The following KIAA1755 variants were observed in gnomAD, a reference collection of about 807,000 sequenced individuals.
KIAA1755 encodes uncharacterized protein KIAA1755.
Under a neutral mutation model 91.7 loss-of-function variants are expected in KIAA1755, and 68 were observed. The ratio of observed to expected loss-of-function variants is 0.74; its 90% confidence interval spans 0.61 to 0.91. The LOEUF (loss-of-function observed/expected upper bound fraction) is 0.91. KIAA1755 is among the 40% of genes least tolerant of loss of function. The pLI, the probability that KIAA1755 is intolerant of heterozygous loss-of-function variation, is 0.00. For synonymous variants in KIAA1755, 610 were observed against 604.6 expected, an observed-to-expected ratio of 1.01 and a Z score of -0.13; for missense variants, 1,535 against 1,494.4, an observed-to-expected ratio of 1.03 and a Z score of -0.45.
chr20:38,213,840 C>G, intron 13 of KIAA1755, 97 bp from the exon 14 acceptor site: 1 of 867,336 alleles, frequency 1.2e-6, no homozygotes, highest in Admixed American at 3.0e-5. Flanking sequence ...CCCCGCTCAG[C>G]TTGGCCATGA....
At chr20:38,238,629 A>G (rs2076000097) in intron 4 of KIAA1755, among the ~76,000 whole-genome samples, 1 of 152,150 alleles carries the variant, frequency 6.6e-6, no homozygotes, top group Non-Finnish European at 1.5e-5. Flanking sequence ...CACTTTGTTT[A>G]CACTGGGTTT....
Position 38,260,649 on chromosome 20 carries a change from T to C in KIAA1755, c.-149A>G. Reference sequence around the variant, plus strand: ...CAGGCCCGGGGCACCGACCCCGGCGTCATCTCGGAGGAGCGGCCGGGGAGG... The same window carrying C: ...CAGGCCCGGGGCACCGACCCCGGCGCCATCTCGGAGGAGCGGCCGGGGAGG... On this transcript the variant is annotated 5_prime_UTR_variant, in exon 1 of 14. An upstream open reading frame in the 5' UTR loses its in-frame stop. Transcript: ENST00000279024. 1.1e-6 allele frequency: 1 copy of C among 941,820 alleles called. No homozygotes were observed. The highest frequency in any genetic ancestry group is 1.4e-6 in the Non-Finnish European group (1 of 696,618). 58.3% of individuals were successfully genotyped at this position (941,820 alleles called of 1,614,324 possible).
chr20:38,216,726 A>G (rs531924433), intron 13 of KIAA1755: 45 of 432,074 alleles, frequency 1.0e-4, no homozygotes, highest in South Asian at 7.5e-4. Flanking sequence ...TGGGAACAAC[A>G]TTGGTTCCCT....
Position 38,217,492 on chromosome 20 carries a change from G to A in KIAA1755, c.2680-18C>T. 6.4e-7 allele frequency: 1 copy of A among 1,570,704 alleles called. No homozygotes were observed. The highest frequency in any genetic ancestry group is 8.7e-7 in the Non-Finnish European group (1 of 1,155,014). On this transcript the variant is annotated intron_variant, in intron 12 of 13. Transcript: ENST00000279024. ...TACTGGGCCTGAGAGGGGAGAGGAGGGGGCGCCCACTCAGCACCCACCTTG... is the reference window on the plus strand; with the variant it reads ...TACTGGGCCTGAGAGGGGAGAGGAGAGGGCGCCCACTCAGCACCCACCTTG...
chr20:38,233,501 C>G (rs2075905363), intron 4 of KIAA1755: 1 of 152,104 alleles, frequency 6.6e-6, no homozygotes, highest in African/African-American at 2.4e-5. Context: ...ACATCACATA[C>G]CTGGGTCCAT....
Position 38,210,948 on chromosome 20 carries a change from C to T in KIAA1755, c.*2094G>A, listed in dbSNP as rs1037479089. 1.3e-5 allele frequency: 2 copies of T among 152,294 alleles called. No individual in the cohort carries two copies. The highest frequency in any genetic ancestry group is 2.9e-5 in the Non-Finnish European group (2 of 68,106). 9.4% of individuals were successfully genotyped at this position (152,294 alleles called of 1,614,324 possible). A position where few individuals can be genotyped will look rare whatever the true frequency, so the allele number is the denominator to read the frequency against. On this transcript the variant is annotated 3_prime_UTR_variant, in exon 14 of 14. Coordinates refer to ENST00000279024, the MANE Select transcript of KIAA1755 (RefSeq NM_001029864.2). Reference sequence around the variant, plus strand: ...AGGGGAATGCAAGAATCAAACCTGGCTTTGGGTGGAGGACTCAGGCCCCAG... The same window carrying T: ...AGGGGAATGCAAGAATCAAACCTGGTTTTGGGTGGAGGACTCAGGCCCCAG...
intron 6 of KIAA1755, among the ~76,000 whole-genome samples, chr20:38,227,698 G>A (rs2075785355): frequency 6.6e-6 from 1 of 152,214 alleles, no homozygotes; most frequent in African/African-American, 2.4e-5. Flanking sequence ...TGAATCCACT[G>A]TAACTGAGAC....
At chr20:38,235,956 C>T (rs753576895) in intron 4 of KIAA1755, among the ~76,000 whole-genome samples, 15 of 152,186 alleles carry the variant, frequency 9.9e-5, no homozygotes, top group Non-Finnish European at 2.1e-4. Context: ...GAAGCACAGG[C>T]TCTGGGGACT....
intron 13 of KIAA1755, chr20:38,216,835 C>G: frequency 2.1e-6 from 1 of 473,614 alleles, no homozygotes; most frequent in Non-Finnish European, 4.2e-6. Flanking sequence ...TGTGCACTCC[C>G]CTCCCAACAA....
At chr20:38,258,558 C>G (rs1028759239) in intron 1 of KIAA1755, among the ~76,000 whole-genome samples, 2 of 152,100 alleles carry the variant, frequency 1.3e-5, no homozygotes, top group Admixed American at 1.3e-4. Context: ...ACATGACATG[C>G]TAGAGTAAGA....
chr20:38,228,177 G>C lies in KIAA1755; in HGVS notation c.1935C>G (p.Pro645=). The change falls in exon 6 of 14, where the codon CCC becomes CCG. Residue 645 remains proline, a synonymous_variant. Transcript: ENST00000279024. ...TGGCCTGCAGGGCGCTGACCAGACC[G>C]GGCTGTGGGGGCTGTCTCCTGGCGT... ...LIDARRQPPQ[P]GLVSALQATQ... 6.2e-7 allele frequency: 1 copy of C among 1,605,114 alleles called. No homozygotes were observed. Among genetic ancestry groups the C allele is most frequent in the East Asian group, 2.2e-5 (1 of 44,474 alleles).
At chr20:38,221,266 A>C (rs2123090531) in intron 10 of KIAA1755, among the ~76,000 whole-genome samples, 1 of 152,328 alleles carries the variant, frequency 6.6e-6, no homozygotes, top group Non-Finnish European at 1.5e-5. Context: ...ATGTGGGACC[A>C]CAGTGACCCC....
Position 38,212,864 on chromosome 20 carries a change from G to C in KIAA1755, c.*178C>G. ...GCATGGGTGAAGATCGGGTCTTCCA[G>C]GAGTTTTCTGGAGCCAGGGGCAGGT... is the stretch of plus-strand genomic sequence containing the variant. On this transcript the variant is annotated 3_prime_UTR_variant, in exon 14 of 14. Coordinates refer to ENST00000279024, the MANE Select transcript of KIAA1755 (RefSeq NM_001029864.2). 1.8e-6 allele frequency: 1 copy of C among 546,680 alleles called. No homozygotes were observed. The allele number at this position is 546,680 out of a possible 1,614,324, so 33.9% of individuals were successfully genotyped here.
At position 38,213,420 on chromosome 20, in the gene KIAA1755, G is replaced by A. The variant is rs757962271; in HGVS notation, c.3225C>T (p.Ala1075=). 1 of 1,600,466 alleles carries A rather than the reference G, an allele frequency of 6.2e-7. No homozygotes were observed. Among genetic ancestry groups the A allele is most frequent in the South Asian group, 1.1e-5 (1 of 89,040 alleles). Residue 1075 remains alanine, a synonymous_variant, in exon 14 of 14, where the codon GCC becomes GCT. Coordinates refer to ENST00000279024, the MANE Select transcript of KIAA1755 (RefSeq NM_001029864.2). ...CCTCTACACTCACACCCTGGCCCTT[G>A]GCTGCCACCCCTCTTCGTTCTGGGC... The part of the protein sequence containing the change: ...SARPERRGVA[A]KGQGVSVEVT...
Position 38,241,095 on chromosome 20 carries a change from TCTC to T in KIAA1755, c.1033_1035del (p.Glu345del). The T allele has an allele frequency of 6.2e-7, 1 of 1,614,118 alleles. No individual in the cohort carries two copies. The highest frequency in any genetic ancestry group is 8.5e-7 in the Non-Finnish European group (1 of 1,179,986). Reference sequence around the variant, plus strand: ...CTCCTGAAGCCCAAATTATAGGGCCTCTCCTCAGAGCTTTCTGGCTTTGTGCAA... The same window carrying T: ...CTCCTGAAGCCCAAATTATAGGGCCTCTCAGAGCTTTCTGGCTTTGTGCAA... On this transcript the variant is annotated inframe_deletion, in exon 3 of 14. Coordinates refer to ENST00000279024, the MANE Select transcript of KIAA1755 (RefSeq NM_001029864.2).
rs1277706265 is a variant in KIAA1755 at position 38,219,671 on chromosome 20, G to A, written c.2515C>T (p.Leu839Phe). The A allele has an allele frequency of 6.2e-7, 1 of 1,614,042 alleles. No homozygotes were observed. Among genetic ancestry groups the A allele is most frequent in the African/African-American group, 1.3e-5 (1 of 74,940 alleles). Residue 839 changes from leucine (L) to phenylalanine (F), a missense_variant, in exon 11 of 14, where the codon CTC (leucine) becomes TTC (phenylalanine). Coordinates refer to ENST00000279024, the MANE Select transcript of KIAA1755 (RefSeq NM_001029864.2). ...TCCAGGCGGCCCAGGCGGACACGGA[G>A]CTCCAGCTTCCCCAGGAGGCTGTTG... ...ASNSLLGKLE[L>F]RVRLGRLEAA...
At chr20:38,216,273 GA>G (rs2123055472) in intron 13 of KIAA1755, among the ~76,000 whole-genome samples, 1 of 152,328 alleles carries the variant, frequency 6.6e-6, no homozygotes, top group East Asian at 1.9e-4. Context: ...GGAACTGGGG[GA>G]GCCCTTTGCT....
chr20:38,260,158 T>C (rs1287898530), intron 1 of KIAA1755: 7 of 1,333,068 alleles, frequency 5.3e-6, no homozygotes, highest in Non-Finnish European at 4.9e-6. Context: ...TCACAGTCAG[T>C]TCCAAAACAA....
chr20:38,213,591 C>A lies in KIAA1755; in HGVS notation c.3054G>T (p.Gly1018=). 3 of 1,608,942 alleles carry A rather than the reference C, an allele frequency of 1.9e-6. No individual in the cohort carries two copies. The highest frequency in any genetic ancestry group is 2.5e-6 in the Non-Finnish European group (3 of 1,177,544). ...EFPAEKLAAV[G]LQVASLSRAG... is the part of the protein sequence containing the mutation. The stretch of plus-strand genomic sequence containing the variant: ...CCCGGCTCAGGGAGGCCACCTGCAG[C>A]CCCACGGCTGCGAGCTTCTCAGCAG... The change falls in exon 14 of 14, where the codon GGG becomes GGT. Residue 1018 remains glycine (G), a synonymous_variant. Transcript: ENST00000279024.
Sources: allele counts gnomAD v4.1 joint callset (sites outside exome capture counted in the v4.1 genomes callset), GRCh38; gene constraint gnomAD v4.1.1; transcripts MANE v1.5; gene names NCBI Gene and HGNC (gene_info 2026-07-23, HGNC 2026-07-21).